The following RARA variants were observed in gnomAD, a reference collection of about 807,000 sequenced individuals.
RARA encodes PML-DDX5-RARA fusion.
RARA carries 5 observed loss-of-function variants against 42.8 expected under a neutral mutation model. That is an observed-to-expected ratio of 0.12 (90% CI 0.06 to 0.25). The LOEUF (loss-of-function observed/expected upper bound fraction) is 0.25, where lower values mean the gene tolerates loss of function less well. Ranked by LOEUF, RARA falls within the 10% of genes least tolerant of loss-of-function variation. RARA has a pLI of 1.00. For synonymous variants in RARA, 256 were observed against 259.5 expected, an observed-to-expected ratio of 0.99 and a Z score of 0.13; for missense variants, 402 against 628.7, an observed-to-expected ratio of 0.64 and a Z score of 3.86.
chr17:40,314,678 CT>C (rs548157934), intron 1 of RARA, among the ~76,000 whole-genome samples: 40 of 151,992 alleles, frequency 2.6e-4, no homozygotes, highest in Non-Finnish European at 4.7e-4. Flanking sequence ...CAGTCTGCCC[CT>C]GTCTGCAATC....
rs201062410 is a variant in RARA at position 40,348,484 on chromosome 17, G to A, written c.327+20G>A. ...TGCAAGGTGAGTTGAAGGGGTCATTGGGAAGGACAGCTTGATGAGGTCAAT... is the reference window on the plus strand; with the variant it reads ...TGCAAGGTGAGTTGAAGGGGTCATTAGGAAGGACAGCTTGATGAGGTCAAT... On this transcript the variant is annotated intron_variant, in intron 3 of 8. Transcript: ENST00000254066. 2 of 1,608,334 alleles carry A rather than the reference G, an allele frequency of 1.2e-6. No individual in the cohort carries two copies. Among genetic ancestry groups the A allele is most frequent in the African/African-American group, 1.3e-5 (1 of 74,768 alleles).
intron 2 of RARA, among the ~76,000 whole-genome samples, chr17:40,346,300 C>T (rs761782814): frequency 6.6e-6 from 1 of 152,052 alleles, no homozygotes; most frequent in African/African-American, 2.4e-5. Flanking sequence ...CGTGACATCC[C>T]GCTCTGTACC....
chr17:40,315,473 T>C (rs967436089), intron 1 of RARA, among the ~76,000 whole-genome samples: 5 of 152,034 alleles, frequency 3.3e-5, no homozygotes, highest in African/African-American at 1.2e-4. Flanking sequence ...ACTGTGAGAA[T>C]CAAATGGAGT....
In RARA at chr17:40,326,349, A is replaced by C. The variant is rs1195078476; in HGVS notation, c.-362-4508A>C. ...AGGCAGTTCACAGGCGAGTAAACAG[A>C]TGCTTAGAGAGGTTAAGTGACTTGC... is the stretch of plus-strand genomic sequence containing the variant. On this transcript the variant is annotated intron_variant, in intron 1 of 8. Transcript: ENST00000254066. This position sits in a 1 kb window ranked among gnomAD's most constrained non-coding sequence, Gnocchi z 5.2. 2 of 152,236 alleles carry C rather than the reference A, an allele frequency of 1.3e-5. No individual in the cohort carries two copies. Among genetic ancestry groups the C allele is most frequent in the Non-Finnish European group, 2.9e-5 (2 of 68,054 alleles). 9.4% of individuals were successfully genotyped at this position (152,236 alleles called of 1,614,324 possible). A position where few individuals can be genotyped will look rare whatever the true frequency, so the allele number is the denominator to read the frequency against.
intron 6 of RARA, among the ~76,000 whole-genome samples, chr17:40,353,410 G>A (rs982050093): frequency 1.3e-5 from 2 of 152,192 alleles, no homozygotes; most frequent in Non-Finnish European, 2.9e-5. Context: ...GTCACCTCCA[G>A]GGTGGGGAAC....
chr17:40,310,154 G>A (rs1388535087), intron 1 of RARA, among the ~76,000 whole-genome samples: 1 of 152,190 alleles, frequency 6.6e-6, no homozygotes, highest in Non-Finnish European at 1.5e-5. Flanking sequence ...CAGGCTCCTG[G>A]TGTTTCTCTA....
At position 40,356,552 on chromosome 17, in the gene RARA, C is replaced by T; in HGVS notation, c.*326C>T. 3.3e-6 allele frequency: 2 copies of T among 599,184 alleles called. No individual in the cohort carries two copies. Among genetic ancestry groups the T allele is most frequent in the Non-Finnish European group, 6.3e-6 (2 of 318,256 alleles). 37.1% of individuals were successfully genotyped at this position (599,184 alleles called of 1,614,324 possible). A position where few individuals can be genotyped will look rare whatever the true frequency, so the allele number is the denominator to read the frequency against. Reference sequence around the variant, plus strand: ...CCCTCTGCCCAGCTCACCACATCTTCATCACCAGCAAACGCCAGGACTTGG... The same window carrying T: ...CCCTCTGCCCAGCTCACCACATCTTTATCACCAGCAAACGCCAGGACTTGG... On this transcript the variant is annotated 3_prime_UTR_variant, in exon 9 of 9. Transcript: ENST00000254066.
At chr17:40,319,822 C>T (rs1458318156) in intron 1 of RARA, among the ~76,000 whole-genome samples, 1 of 150,396 alleles carries the variant, frequency 6.6e-6, no homozygotes, top group Non-Finnish European at 1.5e-5. Context: ...CTGGAGGGGG[C>T]CGGGGGGGGC....
intron 2 of RARA, among the ~76,000 whole-genome samples, chr17:40,346,002 AG>A (rs1200610946): frequency 6.6e-6 from 1 of 152,136 alleles, no homozygotes; most frequent in Non-Finnish European, 1.5e-5. Context: ...TGCTGGAGGT[AG>A]GGGGCAGGCT....
intron 1 of RARA, among the ~76,000 whole-genome samples, chr17:40,309,717 A>G (rs2033059465): frequency 6.6e-6 from 1 of 152,012 alleles, no homozygotes; most frequent in Non-Finnish European, 1.5e-5. Flanking sequence ...TCCTCACCCA[A>G]AGAGCTCAGG....
Position 40,355,806 on chromosome 17 carries a change from C to T in RARA, c.1172-203C>T, listed in dbSNP as rs185885340. ...CAGGCCGGCAGTCTGGCCCTGGAGC[C>T]GGAGTTCGGGACCACTTTGCCCCAT... On this transcript the variant is annotated intron_variant, in intron 8 of 8. Transcript: ENST00000254066. This position sits in a 1 kb window ranked among gnomAD's most constrained non-coding sequence, Gnocchi z 4.1. Among the ~76,000 whole-genome samples the T allele has an allele frequency of 9.8e-5, 15 of 152,360 alleles. No individual in the cohort carries two copies. The highest frequency in any genetic ancestry group is 2.0e-4 in the Admixed American group (3 of 15,306).
At position 40,345,577 on chromosome 17, in the gene RARA, G is replaced by T. The variant is rs2034237769; in HGVS notation, c.179-2739G>T. On this transcript the variant is annotated intron_variant, in intron 2 of 8. Coordinates refer to ENST00000254066, the MANE Select transcript of RARA (RefSeq NM_000964.4). This position sits in a 1 kb window ranked among gnomAD's most constrained non-coding sequence, Gnocchi z 4.8. ...GGAGGGGCACCCTGGCAGCGTCGGC[G>T]GGAGGGGACGCCTGGCTTCCTGGGT... Among the ~76,000 whole-genome samples the T allele has an allele frequency of 6.6e-6, 1 of 151,286 alleles. No individual in the cohort carries two copies. Among genetic ancestry groups the T allele is most frequent in the Non-Finnish European group, 1.5e-5 (1 of 67,986 alleles).
intron 1 of RARA, chr17:40,318,143 C>A (rs1044013418): frequency 6.6e-6 from 1 of 152,126 alleles, no homozygotes; most frequent in African/African-American, 2.4e-5. Context: ...GGGCGTGAGC[C>A]TGTAGATCCG....
At chr17:40,333,569 C>CA (rs2033761875) in intron 2 of RARA, among the ~76,000 whole-genome samples, 1 of 151,828 alleles carries the variant, frequency 6.6e-6, no homozygotes, top group Non-Finnish European at 1.5e-5. Context: ...CTCCTGGCCT[C>CA]AAGTCATCTG....
At chr17:40,336,229 C>G (rs963164320) in intron 2 of RARA, among the ~76,000 whole-genome samples, 3 of 152,120 alleles carry the variant, frequency 2.0e-5, no homozygotes, top group Admixed American at 2.0e-4. Flanking sequence ...AGGCGCCCGC[C>G]ACTATGCTGG....
In RARA at chr17:40,356,735, T is replaced by C. The variant is rs1272252093; in HGVS notation, c.*509T>C. On this transcript the variant is annotated 3_prime_UTR_variant, in exon 9 of 9. Transcript: ENST00000254066. ...ACCCCAGGTATTAATTCTCGCTGGT[T>C]TTGTTTTTATTTTAATTTTTTTGTT... The C allele has an allele frequency of 1.9e-6, 1 of 531,728 alleles. No individual in the cohort carries two copies. The highest frequency in any genetic ancestry group is 3.9e-5 in the East Asian group (1 of 25,752). 32.9% of individuals were successfully genotyped at this position (531,728 alleles called of 1,614,324 possible). A position where few individuals can be genotyped will look rare whatever the true frequency, so the allele number is the denominator to read the frequency against.
intron 2 of RARA, chr17:40,341,407 G>C: frequency 6.6e-7 from 1 of 1,503,958 alleles, no homozygotes. Flanking sequence ...CACAGACAAT[G>C]ACACAAGCCG....
chr17:40,339,398 G>C (rs1170714241), intron 2 of RARA, among the ~76,000 whole-genome samples: 1 of 152,212 alleles, frequency 6.6e-6, no homozygotes, highest in African/African-American at 2.4e-5. Flanking sequence ...GAGCAGGATG[G>C]GGCCCCAGGC....
At chr17:40,319,359 C>T (rs919023699) in intron 1 of RARA, among the ~76,000 whole-genome samples, 1 of 152,152 alleles carries the variant, frequency 6.6e-6, no homozygotes, top group Non-Finnish European at 1.5e-5. Context: ...TGTTTCTGCA[C>T]CCTCCATCCT....
Sources: gnomAD v4.1 joint callset for allele counts (sites outside exome capture counted in the v4.1 genomes callset) on GRCh38, gnomAD v4.1.1 for gene constraint, Gnocchi (gnomAD v3.1) non-coding constraint, MANE v1.5 for transcripts, NCBI Gene and HGNC (gene_info 2026-07-23, HGNC 2026-07-21) for gene names.